The following BNC2 variants were observed in gnomAD, a reference collection of about 807,000 sequenced individuals.
BNC2 encodes zinc finger protein basonuclin-2.
Under a neutral mutation model 76.3 loss-of-function variants are expected in BNC2, and 20 were observed. The observed-to-expected ratio is 0.26, with a 90% CI of 0.18 to 0.38. BNC2 has a LOEUF of 0.38. Among genes scored for constraint, BNC2 ranks in the 10% least tolerant of loss-of-function variants. The pLI is 1.00. For synonymous variants in BNC2, 582 were observed against 514.8 expected, an observed-to-expected ratio of 1.13 and a Z score of -1.77; for missense variants, 1,382 against 1,399.8, an observed-to-expected ratio of 0.99 and a Z score of 0.20.
intron 1 of BNC2, among the ~76,000 whole-genome samples, chr9:16,772,158 T>C (rs976446613): frequency 2.0e-5 from 3 of 152,184 alleles, no homozygotes; most frequent in African/African-American, 7.2e-5. Context: ...ACAATGTATT[T>C]AATGAAAGGT....
rs780058802 is a variant in BNC2, at chr9:16,552,649, C to T, written c.550G>A (p.Val184Met). 90 of 1,614,102 alleles carry T rather than the reference C, an allele frequency of 5.6e-5. No homozygotes were observed. Among genetic ancestry groups the T allele is most frequent in the Non-Finnish European group, 7.5e-5 (89 of 1,180,060 alleles). Residue 184 changes from valine to methionine, a missense_variant, in exon 5 of 7, where the codon GTG becomes ATG. Transcript: ENST00000380672. ...CGGTCCAGCAGGATCTTTAGCCGCACAGGCACTGCTTGTGTCCCATAGAGC... is the reference window on the plus strand; with the variant it reads ...CGGTCCAGCAGGATCTTTAGCCGCATAGGCACTGCTTGTGTCCCATAGAGC... ...LMLYGTQAVPVRLKILLDRLF... is the reference protein window; with the variant it reads ...LMLYGTQAVPMRLKILLDRLF...
intron 1 of BNC2, among the ~76,000 whole-genome samples, chr9:16,858,738 C>T (rs918379971): frequency 6.6e-5 from 10 of 151,364 alleles, no homozygotes; most frequent in African/African-American, 2.2e-4. Context: ...CCCAGCTACT[C>T]GGGAGGCTGA....
intron 5 of BNC2, among the ~76,000 whole-genome samples, chr9:16,467,857 A>G (rs977418039): frequency 1.3e-5 from 2 of 151,730 alleles, no homozygotes. Context: ...AAAAAAAAAA[A>G]AATGCCATCT....
At position 16,599,919 on chromosome 9, in the gene BNC2, A is replaced by T. The variant is rs545454593; in HGVS notation, c.331-16834T>A. Among the ~76,000 whole-genome samples the T allele has an allele frequency of 2.0e-5, 3 of 152,342 alleles. 1 individual carries two copies. In the South Asian group the frequency reaches 6.2e-4, roughly 32 times the overall value. On this transcript the variant is annotated intron_variant, in intron 3 of 6. Coordinates refer to ENST00000380672, the MANE Select transcript of BNC2 (RefSeq NM_017637.6). ...TACAAGCACCATAGGACAAGCCAAT[A>T]TATTATCGGATGACCAAATACACAC...
In BNC2 at chr9:16,721,580, A is replaced by G. The variant is rs143912667; in HGVS notation, c.330+6217T>C. Among the ~76,000 whole-genome samples the G allele has an allele frequency of 4.2e-4, 64 of 152,308 alleles. No homozygotes were observed. The East Asian group carries it at 0.011, about 27-fold the overall frequency. On this transcript the variant is annotated intron_variant, in intron 3 of 6. Coordinates refer to ENST00000380672, the MANE Select transcript of BNC2 (RefSeq NM_017637.6). ...TGAGCAGCACCATAAACAGACCACAAAAGCGTACCACCAAAGGTACAAGAG... is the reference window on the plus strand; with the variant it reads ...TGAGCAGCACCATAAACAGACCACAGAAGCGTACCACCAAAGGTACAAGAG...
intron 3 of BNC2, among the ~76,000 whole-genome samples, chr9:16,703,970 A>G (rs543568033): frequency 6.6e-6 from 1 of 152,356 alleles, no homozygotes; most frequent in African/African-American, 2.4e-5. Flanking sequence ...CAGGAACATG[A>G]AAACAAAGAA....
At position 16,411,572 on chromosome 9, in the gene BNC2, G is replaced by A. The variant is rs1415685407; in HGVS notation, c.*7417C>T. On this transcript the variant is annotated 3_prime_UTR_variant, in exon 7 of 7. Coordinates refer to ENST00000380672, the MANE Select transcript of BNC2 (RefSeq NM_017637.6). ...CTATTAAGATGTCTGATAAACGATT[G>A]TAACATATACATACTGAGGAACTTA... is the stretch of plus-strand genomic sequence containing the variant. 6.6e-6 allele frequency: 1 copy of A among 152,576 alleles called. No individual in the cohort carries two copies. The highest frequency in any genetic ancestry group is 1.9e-4 in the East Asian group (1 of 5,190). 9.5% of individuals were successfully genotyped at this position (152,576 alleles called of 1,614,324 possible).
intron 4 of BNC2, among the ~76,000 whole-genome samples, chr9:16,576,378 A>C (rs1349820011): frequency 6.6e-6 from 1 of 152,178 alleles, no homozygotes; most frequent in Non-Finnish European, 1.5e-5. Flanking sequence ...TCTTATGATA[A>C]AGGAATTTCT....
intron 1 of BNC2, among the ~76,000 whole-genome samples, chr9:16,812,448 G>T (rs144611201): frequency 6.6e-6 from 1 of 152,320 alleles, no homozygotes; most frequent in African/African-American, 2.4e-5. Flanking sequence ...AAACCCATCT[G>T]TTCCCCAAGC....
chr9:16,545,578 G>A (rs567345278), intron 5 of BNC2, among the ~76,000 whole-genome samples: 10 of 152,182 alleles, frequency 6.6e-5, no homozygotes, highest in South Asian at 4.2e-4. Flanking sequence ...AGCTTTTCTG[G>A]TCCAACTCTA....
In BNC2 at chr9:16,849,504, G is replaced by A. The variant is rs141894964; in HGVS notation, c.3+21142C>T. On this transcript the variant is annotated intron_variant, in intron 1 of 6. Coordinates refer to ENST00000380672, the MANE Select transcript of BNC2 (RefSeq NM_017637.6). ...CCCCAAAGTAGCTGAGATTACAGGC[G>A]CATGCCACCACGCCCGACTAATTTT... is the stretch of plus-strand genomic sequence containing the variant. Among the ~76,000 whole-genome samples, 605 of 151,788 alleles carry A rather than the reference G, an allele frequency of 4.0e-3. 3 individuals are homozygous for A. The highest frequency in any genetic ancestry group is 0.013 in the African/African-American group (554 of 41,382).
chr9:16,633,444 T>C (rs1167541300), intron 3 of BNC2, among the ~76,000 whole-genome samples: 2 of 152,260 alleles, frequency 1.3e-5, no homozygotes, highest in Non-Finnish European at 2.9e-5. Flanking sequence ...AAGTCTCACA[T>C]TCTTTTCTAC....
At chr9:16,539,676 G>GAGGA (rs560292414) in intron 5 of BNC2, among the ~76,000 whole-genome samples, 3 of 55,968 alleles carry the variant, frequency 5.4e-5, no homozygotes, top group East Asian at 4.3e-4. Context: ...GGGAGGGAGG[G>GAGGA]AGGAAGGAAG....
At chr9:16,723,203 G>A (rs780304534) in intron 3 of BNC2, among the ~76,000 whole-genome samples, 2 of 151,970 alleles carry the variant, frequency 1.3e-5, no homozygotes, top group Non-Finnish European at 2.9e-5. Flanking sequence ...TGTAAGGAAG[G>A]GAGTAAAAAA....
chr9:16,804,692 C>T (rs1335343698), intron 1 of BNC2, among the ~76,000 whole-genome samples: 1 of 152,154 alleles, frequency 6.6e-6, no homozygotes, highest in African/African-American at 2.4e-5. Context: ...TTAGTATTTG[C>T]AAGCAAATGG....
chr9:16,621,848 T>C (rs1230792838), intron 3 of BNC2, among the ~76,000 whole-genome samples: 2 of 152,214 alleles, frequency 1.3e-5, no homozygotes, highest in Non-Finnish European at 2.9e-5. Flanking sequence ...ATATTGATTA[T>C]ATATTTTTTA....
rs1820506705 is a variant in BNC2 at position 16,412,992 on chromosome 9, G to C, written c.*5997C>G. On this transcript the variant is annotated 3_prime_UTR_variant, in exon 7 of 7. Coordinates refer to ENST00000380672, the MANE Select transcript of BNC2 (RefSeq NM_017637.6). Reference sequence around the variant, plus strand: ...TGAAGCAGAGAGGGTGTTGTCTGCTGTTAGTGTGACAGTCTTGTCAGCAGC... The same window carrying C: ...TGAAGCAGAGAGGGTGTTGTCTGCTCTTAGTGTGACAGTCTTGTCAGCAGC... The C allele has an allele frequency of 6.6e-6, 1 of 152,662 alleles. No individual in the cohort carries two copies. The highest frequency in any genetic ancestry group is 1.5e-5 in the Non-Finnish European group (1 of 68,070). The allele number at this position is 152,662 out of a possible 1,614,324, so 9.5% of individuals were successfully genotyped here. A position where few individuals can be genotyped will look rare whatever the true frequency, so the allele number is the denominator to read the frequency against.
At chr9:16,555,316 C>T (rs1214579633) in intron 4 of BNC2, among the ~76,000 whole-genome samples, 1 of 152,116 alleles carries the variant, frequency 6.6e-6, no homozygotes, top group African/African-American at 2.4e-5. Context: ...AGCCACCACA[C>T]CCGGCCAAGG....
intron 4 of BNC2, chr9:16,575,515 A>T (rs1480278302): frequency 4.6e-6 from 4 of 861,072 alleles, no homozygotes; most frequent in Non-Finnish European, 5.6e-6. Flanking sequence ...AGTGCAAAGC[A>T]CCATCCAAAA....
Sources: gnomAD v4.1 joint callset for allele counts (sites outside exome capture counted in the v4.1 genomes callset) on GRCh38, gnomAD v4.1.1 for gene constraint, MANE v1.5 for transcripts, NCBI Gene and HGNC (gene_info 2026-07-23, HGNC 2026-07-21) for gene names.